Variants in CD96 observed in about 807,000 individuals in gnomAD.
CD96 encodes the protein CD96 molecule.
Under a neutral mutation model 71.3 loss-of-function variants are expected in CD96, and 70 were observed. The observed-to-expected ratio is 0.98, with a 90% confidence interval of 0.81 to 1.20. CD96 has a LOEUF of 1.20. Among genes scored for constraint, CD96 ranks in the 50% most tolerant of loss-of-function variants. The probability of loss-of-function intolerance (pLI) is 0.00; values close to 1 mark genes in which losing one functional copy is unlikely to be tolerated. For missense variants in CD96, 742 were observed against 677.5 expected, an observed-to-expected ratio of 1.10 and a Z score of -1.06; for synonymous variants, 248 against 233.0, an observed-to-expected ratio of 1.06 and a Z score of -0.59.
chr3:111,602,991 C>G (rs1019509231), intron 7 of CD96, among the ~76,000 whole-genome samples: 4 of 152,130 alleles, frequency 2.6e-5, no homozygotes, highest in African/African-American at 9.7e-5. Context: ...TACGCCCAGT[C>G]TCCCAAGTGT....
chr3:111,625,335 C>T (rs557176785), intron 10 of CD96, among the ~76,000 whole-genome samples: 11 of 152,054 alleles, frequency 7.2e-5, no homozygotes, highest in Non-Finnish European at 1.2e-4. Context: ...CATCATTGGT[C>T]GATGCATGAC....
chr3:111,647,946 C>T (rs900128560), intron 13 of CD96, among the ~76,000 whole-genome samples: 1 of 152,150 alleles, frequency 6.6e-6, no homozygotes, highest in African/African-American at 2.4e-5. Context: ...TGAGCCTCAC[C>T]TCTCCTCAAA....
intron 4 of CD96, among the ~76,000 whole-genome samples, chr3:111,581,960 T>A (rs1291928863): frequency 6.6e-6 from 1 of 152,192 alleles, no homozygotes; most frequent in Non-Finnish European, 1.5e-5. Flanking sequence ...TGTACAAGAT[T>A]ATATCAGTTA....
At chr3:111,622,688 G>T (rs1332977081) in intron 8 of CD96, among the ~76,000 whole-genome samples, 1 of 152,188 alleles carries the variant, frequency 6.6e-6, no homozygotes, top group Non-Finnish European at 1.5e-5. Flanking sequence ...CTATCATACT[G>T]TAATGATATT....
intron 10 of CD96, chr3:111,634,411 T>C (rs1939225773): frequency 6.6e-6 from 1 of 152,460 alleles, no homozygotes; most frequent in Non-Finnish European, 1.5e-5. Flanking sequence ...GTATTCATGT[T>C]CATATTTTCA....
chr3:111,641,322 A>G (rs1385884455), intron 12 of CD96, among the ~76,000 whole-genome samples: 1 of 152,264 alleles, frequency 6.6e-6, no homozygotes, highest in African/African-American at 2.4e-5. Context: ...ATGCCAATGG[A>G]CACCAAAAGC....
intron 14 of CD96, among the ~76,000 whole-genome samples, chr3:111,661,187 G>A (rs752043865): frequency 5.3e-5 from 8 of 152,058 alleles, no homozygotes; most frequent in Non-Finnish European, 1.2e-4. Flanking sequence ...AAAACAACAA[G>A]ATCTCATGAG....
chr3:111,551,691 T>G (rs550604690), intron 2 of CD96, among the ~76,000 whole-genome samples: 3 of 152,124 alleles, frequency 2.0e-5, no homozygotes, highest in Non-Finnish European at 4.4e-5. Context: ...ATCCATTAGC[T>G]ATTCTTCCTG....
chr3:111,638,246 C>T, intron 12 of CD96, 78 bp downstream of exon 12: 3 of 906,184 alleles, frequency 3.3e-6, no homozygotes, highest in East Asian at 2.4e-5. Context: ...TGCCATTTGC[C>T]AGGCATTATG....
At chr3:111,657,659 T>C (rs922426949) in intron 14 of CD96, among the ~76,000 whole-genome samples, 8 of 152,190 alleles carry the variant, frequency 5.3e-5, no homozygotes, top group South Asian at 2.1e-4. Flanking sequence ...CAGGTTCTCA[T>C]TGAGGGAAAA....
intron 5 of CD96, among the ~76,000 whole-genome samples, chr3:111,589,857 C>T (rs1245211605): frequency 2.0e-5 from 3 of 152,186 alleles, no homozygotes; most frequent in Non-Finnish European, 4.4e-5. Flanking sequence ...AATTCTAATT[C>T]AACTACTTAG....
At chr3:111,640,139 G>A (rs879394856) in intron 12 of CD96, among the ~76,000 whole-genome samples, 3 of 152,108 alleles carry the variant, frequency 2.0e-5, no homozygotes, top group African/African-American at 4.8e-5. Context: ...AGAAATCCCT[G>A]ATTTACCTGA....
At chr3:111,592,257 A>G (rs1185578984) in intron 5 of CD96, among the ~76,000 whole-genome samples, 1 of 152,180 alleles carries the variant, frequency 6.6e-6, no homozygotes, top group Non-Finnish European at 1.5e-5. Context: ...TTTTAGGCAT[A>G]CTTTCAGCAG....
chr3:111,599,734 A>AT (rs1390329423), intron 6 of CD96, among the ~76,000 whole-genome samples: 1 of 152,106 alleles, frequency 6.6e-6, no homozygotes, highest in Non-Finnish European at 1.5e-5. Flanking sequence ...AAAAAAAAAA[A>AT]GTTATTATAA....
chr3:111,618,357 T>TA (rs1401163004), intron 8 of CD96, among the ~76,000 whole-genome samples: 1 of 152,110 alleles, frequency 6.6e-6, no homozygotes, highest in Non-Finnish European at 1.5e-5. Context: ...TTCCTTGTCT[T>TA]AAAAAAATGA....
chr3:111,578,335 T>C (rs1315826863), intron 3 of CD96, among the ~76,000 whole-genome samples: 2 of 152,212 alleles, frequency 1.3e-5, no homozygotes, highest in Non-Finnish European at 2.9e-5. Context: ...AAATATACTC[T>C]GATCTCCAAA....
intron 12 of CD96, among the ~76,000 whole-genome samples, chr3:111,646,376 A>C (rs1939827759): frequency 1.3e-5 from 2 of 152,238 alleles, no homozygotes; most frequent in South Asian, 4.1e-4. Context: ...TTGGCCTCTT[A>C]TTCTTAAAAA....
intron 3 of CD96, 122 bp from the exon 4 acceptor site, chr3:111,578,905 T>A: frequency 1.4e-6 from 1 of 719,878 alleles, no homozygotes. Flanking sequence ...TGTCTTCTAA[T>A]TTCAATCCTT....
intron 5 of CD96, chr3:111,594,127 C>T (rs1937139551): frequency 1.2e-6 from 2 of 1,613,902 alleles, no homozygotes; most frequent in Non-Finnish European, 8.5e-7. Context: ...TAATCTCTTC[C>T]TCCTCCTTCA....
Sources: allele counts gnomAD v4.1 joint callset (sites outside exome capture counted in the v4.1 genomes callset), GRCh38; gene constraint gnomAD v4.1.1; transcripts MANE v1.5; gene names NCBI Gene and HGNC (gene_info 2026-07-23, HGNC 2026-07-21).